Variants in NAGS observed in about 807,000 individuals in gnomAD.
The protein encoded by NAGS is N-acetylglutamate synthase, mitochondrial.
Under a neutral mutation model 46.9 loss-of-function variants are expected in NAGS, and 34 were observed. The ratio of observed to expected loss-of-function variants is 0.72; its 90% CI spans 0.55 to 0.97. The LOEUF (loss-of-function observed/expected upper bound fraction) is 0.97, where lower values mean the gene tolerates loss of function less well. Ranked by LOEUF, NAGS falls within the 50% of genes least tolerant of loss-of-function variation. The pLI, the probability that NAGS is intolerant of heterozygous loss-of-function variation, is 0.00. For missense variants in NAGS, 665 were observed against 747.0 expected (o/e 0.89, Z 1.28); for synonymous variants, 334 against 346.3 (o/e 0.96, Z 0.39).
In NAGS at chr17:44,006,099, C is replaced by T. The variant is rs2049086224; in HGVS notation, c.777C>T (p.Cys259=). The T allele has an allele frequency of 1.2e-6, 2 of 1,612,820 alleles. No individual in the cohort carries two copies. The highest frequency in any genetic ancestry group is 1.7e-6 in the Non-Finnish European group (2 of 1,179,792). The change falls in exon 3 of 7, where the codon TGC becomes TGT. Residue 259 remains cysteine, a synonymous_variant. Coordinates refer to ENST00000293404, the MANE Select transcript of NAGS (RefSeq NM_153006.3). This position sits in a 1 kb window ranked among gnomAD's most constrained non-coding sequence, Gnocchi z 4.8. ...CLESGSIPIL[C]PIGETAARRS... is the part of the protein sequence containing the mutation. Reference sequence around the variant, plus strand: ...AGTCGGGCAGCATCCCCATCCTGTGCCCCATCGGGGAGACGGCCGCGCGCC... The same window carrying T: ...AGTCGGGCAGCATCCCCATCCTGTGTCCCATCGGGGAGACGGCCGCGCGCC...
Position 44,007,846 on chromosome 17 carries a change from CAAG to C in NAGS, c.1451+77_1451+79del, listed in dbSNP as rs980824969. The stretch of plus-strand genomic sequence containing the variant: ...CCTCTCCCACCCTTGCCAACCATGC[CAAG>C]AAGGCTGGGCTTCCTCTTCTTCCAC... On this transcript the variant is annotated intron_variant, in intron 6 of 6. Transcript: ENST00000293404. This position sits in a 1 kb window ranked among gnomAD's most constrained non-coding sequence, Gnocchi z 5.1. The C allele has an allele frequency of 2.7e-6, 4 of 1,477,690 alleles. No homozygotes were observed. The highest frequency in any genetic ancestry group is 3.7e-6 in the Non-Finnish European group (4 of 1,080,158). The allele number at this position is 1,477,690 out of a possible 1,614,324, so 91.5% of individuals were successfully genotyped here.
Position 44,006,175 on chromosome 17 carries a change from C to T in NAGS, c.853C>T (p.Leu285=), listed in dbSNP as rs746317425. 2 of 1,613,320 alleles carry T rather than the reference C, an allele frequency of 1.2e-6. No individual in the cohort carries two copies. Among genetic ancestry groups the T allele is most frequent in the Non-Finnish European group, 1.7e-6 (2 of 1,180,022 alleles). ...GGTGACCGCGTCGCTGGCCAAGGCG[C>T]TGCGGCCCACCAAAATCATCTTCCT... ...LEVTASLAKA[L]RPTKIIFLNN... Residue 285 remains leucine, a synonymous_variant, in exon 3 of 7, where the codon CTG becomes TTG. Transcript: ENST00000293404. The surrounding 1 kb of genome is among the most constrained non-coding windows in gnomAD (Gnocchi z 4.8).
At position 44,006,177 on chromosome 17, in the gene NAGS, G is replaced by A; in HGVS notation, c.855G>A (p.Leu285=). ...LEVTASLAKA[L]RPTKIIFLNN... ...TGACCGCGTCGCTGGCCAAGGCGCT[G>A]CGGCCCACCAAAATCATCTTCCTCA... The change falls in exon 3 of 7, where the codon CTG becomes CTA. Residue 285 remains leucine, a synonymous_variant. Coordinates refer to ENST00000293404, the MANE Select transcript of NAGS (RefSeq NM_153006.3). The surrounding 1 kb of genome is among the most constrained non-coding windows in gnomAD (Gnocchi z 4.8). 1 of 1,613,428 alleles carries A rather than the reference G, an allele frequency of 6.2e-7. No homozygotes were observed. Among genetic ancestry groups the A allele is most frequent in the East Asian group, 2.2e-5 (1 of 44,876 alleles).
In NAGS at chr17:44,004,954, G is replaced by A. The variant is rs769434080; in HGVS notation, c.291G>A (p.Ser97=). 8 of 1,537,828 alleles carry A rather than the reference G, an allele frequency of 5.2e-6. No homozygotes were observed. The South Asian group carries it at 5.9e-5, about 11-fold the overall frequency. Reference sequence around the variant, plus strand: ...CCCACGAGTCCCCAGAGCCTCCTTCGGGCCGCTCGCTGGTGCAGCGGGACA... The same window carrying A: ...CCCACGAGTCCCCAGAGCCTCCTTCAGGCCGCTCGCTGGTGCAGCGGGACA... ...PVPHESPEPP[S]GRSLVQRDIQ... is the part of the protein sequence containing the mutation. The change falls in exon 1 of 7, where the codon TCG becomes TCA. Residue 97 remains serine (S), a synonymous_variant. Transcript: ENST00000293404.
chr17:44,008,157 G>C (rs1232611125), intron 6 of NAGS, among the ~76,000 whole-genome samples: 1 of 152,174 alleles, frequency 6.6e-6, no homozygotes, highest in Non-Finnish European at 1.5e-5. Flanking sequence ...CCTCCTCTTT[G>C]CTGCACAGCC....
Position 44,005,840 on chromosome 17 carries a change from C to T in NAGS, c.630C>T (p.Asn210=), listed in dbSNP as rs2049080644. The T allele has an allele frequency of 5.8e-6, 9 of 1,565,192 alleles. No individual in the cohort carries two copies. The highest frequency in any genetic ancestry group is 7.8e-6 in the Non-Finnish European group (9 of 1,156,690). ...TGCTGGTAGACGCGCTTCGACACAA[C>T]GCCGCCGCTGCTGTGCCATTTTTTG... ...CKVLVDALRH[N]AAAAVPFFGG... is the part of the protein sequence containing the mutation. Residue 210 remains asparagine, a synonymous_variant, in exon 2 of 7, where the codon AAC becomes AAT. Transcript: ENST00000293404. This position sits in a 1 kb window ranked among gnomAD's most constrained non-coding sequence, Gnocchi z 7.2.
Position 44,005,533 on chromosome 17 carries a change from A to C in NAGS, c.427-104A>C, listed in dbSNP as rs1324723788. The C allele has an allele frequency of 6.7e-7, 1 of 1,490,516 alleles. No homozygotes were observed. Among genetic ancestry groups the C allele is most frequent in the Non-Finnish European group, 9.1e-7 (1 of 1,098,646 alleles). 92.3% of individuals were successfully genotyped at this position (1,490,516 alleles called of 1,614,324 possible). ...CTGGTGGCCAGAACTGGGTCCTGAC[A>C]GCTTCTGGAAGGGTAGGGTCACCGA... On this transcript the variant is annotated intron_variant, in intron 1 of 6. Transcript: ENST00000293404. This position sits in a 1 kb window ranked among gnomAD's most constrained non-coding sequence, Gnocchi z 7.2.
At position 44,004,875 on chromosome 17, in the gene NAGS, A is replaced by T. The variant is rs2049063889; in HGVS notation, c.212A>T (p.Gln71Leu). Residue 71 changes from glutamine (Q) to leucine (L), a missense_variant, in exon 1 of 7, where the codon CAG (glutamine) becomes CTG (leucine). Transcript: ENST00000293404. ...TACGCGGGCGCGGACGACGTCTCCC[A>T]GTCGCCCGTCGCCGAGGAGCCGTCG... ...EEYAGADDVS[Q>L]SPVAEEPSWV... 1 of 1,531,498 alleles carries T rather than the reference A, an allele frequency of 6.5e-7. No individual in the cohort carries two copies. Among genetic ancestry groups the T allele is most frequent in the Non-Finnish European group, 8.7e-7 (1 of 1,145,252 alleles). 94.9% of individuals were successfully genotyped at this position (1,531,498 alleles called of 1,614,324 possible). A position where few individuals can be genotyped will look rare whatever the true frequency, so the allele number is the denominator to read the frequency against.
In NAGS at chr17:44,006,743, C is replaced by G. The variant is rs535667286; in HGVS notation, c.1096+34C>G. 30 of 1,567,574 alleles carry G rather than the reference C, an allele frequency of 1.9e-5. 1 individual carries two copies. Among genetic ancestry groups the G allele is most frequent in the Middle Eastern group, 2.2e-4 (1 of 4,530 alleles). ...GGTGGGCGGGCCGGGGACTGGGTCC[C>G]GGGAGTGAGTACTGGCCGGGGCTGG... On this transcript the variant is annotated intron_variant, in intron 4 of 6. Transcript: ENST00000293404. The surrounding 1 kb of genome is among the most constrained non-coding windows in gnomAD (Gnocchi z 4.8).
Position 44,005,557 on chromosome 17 carries a change from G to T in NAGS, c.427-80G>T. On this transcript the variant is annotated intron_variant, in intron 1 of 6. Transcript: ENST00000293404. The surrounding 1 kb of genome is among the most constrained non-coding windows in gnomAD (Gnocchi z 7.2). ...CAGCTTCTGGAAGGGTAGGGTCACC[G>T]AGACGGCCCTGCAGGCCAGGCTGTG... 2 of 1,549,388 alleles carry T rather than the reference G, an allele frequency of 1.3e-6. No homozygotes were observed. Among genetic ancestry groups the T allele is most frequent in the Non-Finnish European group, 1.7e-6 (2 of 1,143,952 alleles).
At position 44,004,934 on chromosome 17, in the gene NAGS, G is replaced by C; in HGVS notation, c.271G>C (p.Glu91Gln). The C allele has an allele frequency of 1.3e-6, 2 of 1,536,092 alleles. No individual in the cohort carries two copies. The highest frequency in any genetic ancestry group is 1.7e-6 in the Non-Finnish European group (2 of 1,146,862). Residue 91 changes from glutamate to glutamine, a missense_variant, in exon 1 of 7, where the codon GAG becomes CAG. Coordinates refer to ENST00000293404, the MANE Select transcript of NAGS (RefSeq NM_153006.3). The stretch of plus-strand genomic sequence containing the variant: ...GAGTCCCAGGCCCCCGGTGCCCCAC[G>C]AGTCCCCAGAGCCTCCTTCGGGCCG... ...VPSPRPPVPH[E>Q]SPEPPSGRSL...
At position 44,006,231 on chromosome 17, in the gene NAGS, T is replaced by G. The variant is rs752221680; in HGVS notation, c.909T>G (p.Ser303Arg). ...LNNTGGLRDS[S>R]HKVLSNVNLP... Reference sequence around the variant, plus strand: ...ACACAGGCGGCCTGCGCGACAGCAGTCATAAGGTGCGGCCCTTTCTTTCAC... The same window carrying G: ...ACACAGGCGGCCTGCGCGACAGCAGGCATAAGGTGCGGCCCTTTCTTTCAC... The change falls in exon 3 of 7, where the codon AGT becomes AGG. Residue 303 changes from serine to arginine, a missense_variant. Coordinates refer to ENST00000293404, the MANE Select transcript of NAGS (RefSeq NM_153006.3). The surrounding 1 kb of genome is among the most constrained non-coding windows in gnomAD (Gnocchi z 4.8). 2.5e-6 allele frequency: 4 copies of G among 1,612,966 alleles called. No individual in the cohort carries two copies. The highest frequency in any genetic ancestry group is 3.4e-6 in the Non-Finnish European group (4 of 1,179,956).
chr17:44,006,490 C>G lies in NAGS; in HGVS notation c.916-39C>G, dbSNP rs183275808. 1.3e-6 allele frequency: 2 copies of G among 1,547,554 alleles called. No individual in the cohort carries two copies. Among genetic ancestry groups the G allele is most frequent in the South Asian group, 2.4e-5 (2 of 84,016 alleles). ...GTGGGGGTAGGGGGGCAGTCCGTGC[C>G]GGCTGTGGGCCAGGCTCACCCGCTG... On this transcript the variant is annotated intron_variant, in intron 3 of 6. Transcript: ENST00000293404. This position sits in a 1 kb window ranked among gnomAD's most constrained non-coding sequence, Gnocchi z 4.8.
rs1456649935 is a variant in NAGS, at chr17:44,007,805, G to A, written c.1451+32G>A. ...CCTGCCACTCCCAGCTCTGGGCTGG[G>A]CCCTGACTTCCCTCCCCTCTCCCAC... On this transcript the variant is annotated intron_variant, in intron 6 of 6. Transcript: ENST00000293404. The surrounding 1 kb of genome is among the most constrained non-coding windows in gnomAD (Gnocchi z 5.1). The A allele has an allele frequency of 6.4e-7, 1 of 1,563,910 alleles. No individual in the cohort carries two copies. The highest frequency in any genetic ancestry group is 8.7e-7 in the Non-Finnish European group (1 of 1,152,396).
rs1182427248 is a variant in NAGS, at chr17:44,005,545, G to T, written c.427-92G>T. On this transcript the variant is annotated intron_variant, in intron 1 of 6. Coordinates refer to ENST00000293404, the MANE Select transcript of NAGS (RefSeq NM_153006.3). This position sits in a 1 kb window ranked among gnomAD's most constrained non-coding sequence, Gnocchi z 7.2. ...ACTGGGTCCTGACAGCTTCTGGAAG[G>T]GTAGGGTCACCGAGACGGCCCTGCA... 11 of 1,528,466 alleles carry T rather than the reference G, an allele frequency of 7.2e-6. No individual in the cohort carries two copies. In the South Asian group the frequency reaches 8.4e-5, roughly 12 times the overall value. The allele number at this position is 1,528,466 out of a possible 1,614,324, so 94.7% of individuals were successfully genotyped here. A position where few individuals can be genotyped will look rare whatever the true frequency, so the allele number is the denominator to read the frequency against.
At position 44,008,690 on chromosome 17, in the gene NAGS, G is replaced by A; in HGVS notation, c.*89G>A. On this transcript the variant is annotated 3_prime_UTR_variant, in exon 7 of 7. Coordinates refer to ENST00000293404, the MANE Select transcript of NAGS (RefSeq NM_153006.3). ...GCATGACCCCAGGCAGCCAGCCACAGGCTGAAGGGGGCTTGTTGGCTGAGT... is the reference window on the plus strand; with the variant it reads ...GCATGACCCCAGGCAGCCAGCCACAAGCTGAAGGGGGCTTGTTGGCTGAGT... 6.5e-7 allele frequency: 1 copy of A among 1,539,758 alleles called. No homozygotes were observed. Among genetic ancestry groups the A allele is most frequent in the Non-Finnish European group, 9.0e-7 (1 of 1,115,254 alleles).
Position 44,005,073 on chromosome 17 carries a change from C to T in NAGS, c.410C>T (p.Pro137Leu). ...FQTCHHSADKPFAVIEVDEEV... is the reference protein window; with the variant it reads ...FQTCHHSADKLFAVIEVDEEV... Reference sequence around the variant, plus strand: ...ACCTGCCATCACTCCGCGGACAAGCCCTTCGCCGTCATCGAGGTGAGCGGA... The same window carrying T: ...ACCTGCCATCACTCCGCGGACAAGCTCTTCGCCGTCATCGAGGTGAGCGGA... The change falls in exon 1 of 7, where the codon CCC becomes CTC. Residue 137 changes from proline (P) to leucine (L), a missense_variant. Transcript: ENST00000293404. The surrounding 1 kb of genome is among the most constrained non-coding windows in gnomAD (Gnocchi z 7.2). 6.4e-7 allele frequency: 1 copy of T among 1,572,996 alleles called. No homozygotes were observed.
At position 44,007,540 on chromosome 17, in the gene NAGS, C is replaced by T; in HGVS notation, c.1268+46C>T. 1 of 1,613,018 alleles carries T rather than the reference C, an allele frequency of 6.2e-7. No homozygotes were observed. ...GGGCGGGGTCTGGGGGGCAGTCGGGCAGCTTCGGACCAAGGAGAGGTCCCA... is the reference window on the plus strand; with the variant it reads ...GGGCGGGGTCTGGGGGGCAGTCGGGTAGCTTCGGACCAAGGAGAGGTCCCA... On this transcript the variant is annotated intron_variant, in intron 5 of 6. Transcript: ENST00000293404. This position sits in a 1 kb window ranked among gnomAD's most constrained non-coding sequence, Gnocchi z 5.1.
chr17:44,006,628 G>T lies in NAGS; in HGVS notation c.1015G>T (p.Val339Leu), dbSNP rs763711792. ...ERQQMRLIVD[V>L]LSRLPHHSSA... is the part of the protein sequence containing the mutation. ...GCAGCAGATGCGGCTCATCGTGGAC[G>T]TGCTCAGCCGCCTGCCCCACCACTC... The change falls in exon 4 of 7, where the codon GTG becomes TTG. Residue 339 changes from valine to leucine, a missense_variant. Physicochemically the swap from Val to Leu is conservative, Grantham distance 32. Transcript: ENST00000293404. The surrounding 1 kb of genome is among the most constrained non-coding windows in gnomAD (Gnocchi z 4.8). 3.5e-5 allele frequency: 57 copies of T among 1,608,150 alleles called. No homozygotes were observed. The highest frequency in any genetic ancestry group is 4.8e-5 in the Non-Finnish European group (57 of 1,178,062).
Sources: gnomAD v4.1 joint callset for allele counts (sites outside exome capture counted in the v4.1 genomes callset) on GRCh38, gnomAD v4.1.1 for gene constraint, Gnocchi (gnomAD v3.1) non-coding constraint, MANE v1.5 for transcripts, NCBI Gene and HGNC (gene_info 2026-07-23, HGNC 2026-07-21) for gene names.